Variants in FER1L6 observed in about 807,000 individuals in gnomAD.
The protein encoded by FER1L6 is fer-1 like family member 6.
FER1L6 carries 177 observed loss-of-function variants against 219.2 expected under a neutral mutation model. The observed-to-expected ratio is 0.81, with a 90% CI of 0.71 to 0.91. The LOEUF (loss-of-function observed/expected upper bound fraction) is 0.91, where lower values mean the gene tolerates loss of function less well. Among genes scored for constraint, FER1L6 ranks in the 40% least tolerant of loss-of-function variants. The pLI is 0.00. For missense variants in FER1L6, 2,153 were observed against 2,259.9 expected (o/e 0.95, Z 0.96); for synonymous variants, 768 against 824.3 (o/e 0.93, Z 1.17).
At chr8:123,960,048 T>C (rs2130161284) in intron 2 of FER1L6, among the ~76,000 whole-genome samples, 2 of 152,348 alleles carry the variant, frequency 1.3e-5, no homozygotes, top group South Asian at 2.1e-4. Flanking sequence ...CCATGGACCC[T>C]GTATAAAGCT....
At chr8:123,966,944 T>G (rs984891709) in intron 5 of FER1L6, among the ~76,000 whole-genome samples, 1 of 151,916 alleles carries the variant, frequency 6.6e-6, no homozygotes, top group Admixed American at 6.6e-5. Flanking sequence ...TAGCCAGGCG[T>G]GGTGGCAGGT....
chr8:123,899,689 G>C (rs1812823222), intron 1 of FER1L6, among the ~76,000 whole-genome samples: 1 of 152,132 alleles, frequency 6.6e-6, no homozygotes, highest in African/African-American at 2.4e-5. Context: ...TAAGGTGAGA[G>C]ATGAGGATCC....
At chr8:123,872,397 A>T (rs1050209943) in intron 1 of FER1L6, among the ~76,000 whole-genome samples, 3 of 152,190 alleles carry the variant, frequency 2.0e-5, no homozygotes, top group Non-Finnish European at 4.4e-5. Flanking sequence ...GTACTTCTTA[A>T]AACTACGAAG....
intron 1 of FER1L6, among the ~76,000 whole-genome samples, chr8:123,932,629 G>A (rs1813816967): frequency 6.6e-6 from 1 of 152,094 alleles, no homozygotes; most frequent in Non-Finnish European, 1.5e-5. Flanking sequence ...AATGGTGGGG[G>A]GAGGACTGGG....
rs1822371054 is a variant in FER1L6, at chr8:124,097,792, T to C, written c.4792T>C (p.Leu1598=). ...TTCCTTCTCCCATCCCAGATACGAA[T>C]TGAGAGTGACCATCTGGAACACTGA... The part of the protein sequence containing the change: ...ISPRRPKGYE[L]RVTIWNTEDV... The change falls in exon 37 of 41, where the codon TTG becomes CTG. Residue 1598 remains leucine, a synonymous_variant. Transcript: ENST00000522917. The C allele has an allele frequency of 1.3e-6, 2 of 1,581,340 alleles. No individual in the cohort carries two copies. Among genetic ancestry groups the C allele is most frequent in the Non-Finnish European group, 1.7e-6 (2 of 1,149,956 alleles).
chr8:124,118,974 A>G, intron 40 of FER1L6, 30 bp downstream of exon 40: 1 of 1,568,666 alleles, frequency 6.4e-7, no homozygotes, highest in Non-Finnish European at 8.8e-7. Context: ...GGAACATCAG[A>G]AATGGGAAGG....
intron 18 of FER1L6, among the ~76,000 whole-genome samples, chr8:124,032,933 T>A (rs915867660): frequency 6.6e-6 from 1 of 152,092 alleles, no homozygotes; most frequent in African/African-American, 2.4e-5. Context: ...CCAGTTGAAT[T>A]TGAGTGTGCA....
At chr8:123,922,587 G>A (rs1813402978) in intron 1 of FER1L6, among the ~76,000 whole-genome samples, 1 of 152,114 alleles carries the variant, frequency 6.6e-6, no homozygotes, top group Non-Finnish European at 1.5e-5. Context: ...AGAAGGCAGC[G>A]CCTCCTGCTG....
chr8:123,868,439 G>A (rs890079135), intron 1 of FER1L6, among the ~76,000 whole-genome samples: 1 of 152,158 alleles, frequency 6.6e-6, no homozygotes, highest in East Asian at 1.9e-4. Context: ...GTTCAAGAGA[G>A]CTCTTTCATT....
At chr8:123,945,748 T>A (rs533203862) in intron 1 of FER1L6, among the ~76,000 whole-genome samples, 1 of 152,388 alleles carries the variant, frequency 6.6e-6, no homozygotes, top group South Asian at 2.1e-4. Context: ...AAGTAAATTT[T>A]TCCTCCTCTT....
chr8:124,022,950 T>C (rs537610623), intron 17 of FER1L6, among the ~76,000 whole-genome samples: 1 of 152,250 alleles, frequency 6.6e-6, no homozygotes, highest in African/African-American at 2.4e-5. Flanking sequence ...TCTTGCTCTG[T>C]CTCCCAGGCT....
intron 1 of FER1L6, among the ~76,000 whole-genome samples, chr8:123,894,431 C>A (rs778009451): frequency 2.6e-5 from 4 of 152,118 alleles, no homozygotes; most frequent in Admixed American, 2.0e-4. Context: ...GCTTTCTATG[C>A]GGTGAGCAGC....
intron 22 of FER1L6, among the ~76,000 whole-genome samples, chr8:124,054,366 T>C (rs1261695018): frequency 6.6e-6 from 1 of 152,208 alleles, no homozygotes; most frequent in Non-Finnish European, 1.5e-5. Context: ...TCACATCTGT[T>C]TTGGGGATCT....
At position 123,977,446 on chromosome 8, in the gene FER1L6, T is replaced by C. The variant is rs1816133349; in HGVS notation, c.900T>C (p.Ala300=). 6.2e-7 allele frequency: 1 copy of C among 1,614,140 alleles called. No individual in the cohort carries two copies. The highest frequency in any genetic ancestry group is 8.5e-7 in the Non-Finnish European group (1 of 1,180,008). ...MGRTTVQKNC[A]DPVWHEQVIF... is the part of the protein sequence containing the mutation. Reference sequence around the variant, plus strand: ...GAACCACAGTGCAGAAGAACTGTGCTGATCCTGTGTGGCATGAACAGGTGA... The same window carrying C: ...GAACCACAGTGCAGAAGAACTGTGCCGATCCTGTGTGGCATGAACAGGTGA... Residue 300 remains alanine (A), a synonymous_variant, in exon 10 of 41, where the codon GCT becomes GCC. Coordinates refer to ENST00000522917, the MANE Select transcript of FER1L6 (RefSeq NM_001039112.2).
At chr8:124,052,993 G>C (rs1416127715) in intron 22 of FER1L6, among the ~76,000 whole-genome samples, 2 of 152,208 alleles carry the variant, frequency 1.3e-5, no homozygotes, top group Non-Finnish European at 1.5e-5. Flanking sequence ...AAGTGGTAAA[G>C]GTGGTCGTGG....
chr8:124,097,499 G>T, intron 36 of FER1L6, 140 bp downstream of exon 36: 1 of 642,654 alleles, frequency 1.6e-6, no homozygotes, highest in East Asian at 2.7e-5. Context: ...AGGAGCTGGT[G>T]GTGGCCCCTG....
At chr8:124,013,053 A>G (rs1173073146) in intron 14 of FER1L6, among the ~76,000 whole-genome samples, 1 of 152,216 alleles carries the variant, frequency 6.6e-6, no homozygotes, top group Non-Finnish European at 1.5e-5. Context: ...AATTGACTTG[A>G]ACATTACTTT....
At chr8:123,883,421 T>A (rs1051634942) in intron 1 of FER1L6, among the ~76,000 whole-genome samples, 1 of 152,130 alleles carries the variant, frequency 6.6e-6, no homozygotes, top group Non-Finnish European at 1.5e-5. Context: ...TGAGAGCAAG[T>A]CTTGGTTTTT....
intron 19 of FER1L6, among the ~76,000 whole-genome samples, chr8:124,038,499 C>G (rs1180252601): frequency 6.6e-6 from 1 of 152,156 alleles, no homozygotes; most frequent in Non-Finnish European, 1.5e-5. Flanking sequence ...GATGGACATG[C>G]AGGTTGCTTC....
Sources: gnomAD v4.1 joint callset for allele counts (sites outside exome capture counted in the v4.1 genomes callset) on GRCh38, gnomAD v4.1.1 for gene constraint, MANE v1.5 for transcripts, NCBI Gene and HGNC (gene_info 2026-07-23, HGNC 2026-07-21) for gene names.